CDC42EP3: variants seen among roughly 807,000 people sequenced by gnomAD.
CDC42EP3 encodes the protein CDC42 effector protein (Rho GTPase binding) 3.
In CDC42EP3, 4 loss-of-function variants were observed where a neutral mutation model predicts 15.5. The observed-to-expected ratio is 0.26, with a 90% CI of 0.13 to 0.59. CDC42EP3 has a LOEUF of 0.59. CDC42EP3 is among the 20% of genes least tolerant of loss of function. The pLI is 0.89. For synonymous variants in CDC42EP3, 145 were observed against 130.3 expected, an observed-to-expected ratio of 1.11 and a Z score of -0.77; for missense variants, 309 against 311.2, an observed-to-expected ratio of 0.99 and a Z score of 0.05.
intron 1 of CDC42EP3, among the ~76,000 whole-genome samples, chr2:37,661,647 A>G (rs1037363131): frequency 2.0e-5 from 3 of 152,172 alleles, no homozygotes; most frequent in African/African-American, 7.2e-5. Context: ...GGCGTTATAA[A>G]CTGGACGGCA....
intron 1 of CDC42EP3, among the ~76,000 whole-genome samples, chr2:37,655,919 CT>C (rs1405561097): frequency 1.3e-5 from 2 of 152,218 alleles, no homozygotes; most frequent in Non-Finnish European, 2.9e-5. Context: ...TACTCCAGTT[CT>C]GGTAATGGTA....
At chr2:37,663,251 T>G (rs1253489458) in intron 1 of CDC42EP3, among the ~76,000 whole-genome samples, 1 of 152,244 alleles carries the variant, frequency 6.6e-6, no homozygotes, top group African/African-American at 2.4e-5. Context: ...GTCCCTCATG[T>G]GTTCAACAAC....
At chr2:37,669,343 A>C (rs1666337244) in intron 1 of CDC42EP3, among the ~76,000 whole-genome samples, 1 of 152,102 alleles carries the variant, frequency 6.6e-6, no homozygotes, top group Non-Finnish European at 1.5e-5. Context: ...AGCTTTTGTG[A>C]GCATGTTGGA....
At chr2:37,657,370 A>T (rs1665901407) in intron 1 of CDC42EP3, among the ~76,000 whole-genome samples, 1 of 152,076 alleles carries the variant, frequency 6.6e-6, no homozygotes, top group South Asian at 2.1e-4. Context: ...GAGGGCTTGT[A>T]TTATGTGATT....
intron 1 of CDC42EP3, among the ~76,000 whole-genome samples, chr2:37,654,785 A>C (rs1441021277): frequency 1.3e-5 from 2 of 152,200 alleles, no homozygotes; most frequent in Non-Finnish European, 2.9e-5. Flanking sequence ...TCTTCTTACT[A>C]ATATAGAAAT....
intron 1 of CDC42EP3, among the ~76,000 whole-genome samples, chr2:37,662,919 C>A (rs1238828656): frequency 1.3e-5 from 2 of 152,208 alleles, no homozygotes; most frequent in Non-Finnish European, 2.9e-5. Flanking sequence ...GATCCCAGCA[C>A]TTTGGGAGGC....
At chr2:37,652,174 CAAAAA>C (rs61407687) in intron 1 of CDC42EP3, among the ~76,000 whole-genome samples, 2 of 39,126 alleles carry the variant, frequency 5.1e-5, no homozygotes, top group African/African-American at 1.2e-4. Context: ...GACTCCCTCT[CAAAAA>C]AAAAAAAAAA....
At chr2:37,654,409 A>C (rs1017317059) in intron 1 of CDC42EP3, among the ~76,000 whole-genome samples, 1 of 152,180 alleles carries the variant, frequency 6.6e-6, no homozygotes, top group African/African-American at 2.4e-5. Context: ...GATCTGAAGG[A>C]TTCATTTAAT....
At chr2:37,658,025 T>G (rs1254002089) in intron 1 of CDC42EP3, among the ~76,000 whole-genome samples, 1 of 152,210 alleles carries the variant, frequency 6.6e-6, no homozygotes, top group Non-Finnish European at 1.5e-5. Flanking sequence ...AAGTATTAAC[T>G]GAGCCCTTAC....
rs1471228147 is a variant in CDC42EP3, at chr2:37,668,114, T to A, written c.-236+3312A>T. ...TAAGAGATTAACAATAGAATAATTA[T>A]AACAATGTAATAAAAATTACATGAA... On this transcript the variant is annotated intron_variant, in intron 1 of 1. Coordinates refer to ENST00000295324, the MANE Select transcript of CDC42EP3 (RefSeq NM_006449.5). Among the ~76,000 whole-genome samples the A allele has an allele frequency of 2.0e-5, 3 of 152,230 alleles. No individual in the cohort carries two copies. The East Asian group carries it at 5.8e-4, about 29-fold the overall frequency.
At chr2:37,659,067 T>G (rs1409839065) in intron 1 of CDC42EP3, among the ~76,000 whole-genome samples, 3 of 152,198 alleles carry the variant, frequency 2.0e-5, no homozygotes, top group African/African-American at 7.2e-5. Context: ...TCCCATAGCG[T>G]CCTGTGTACA....
chr2:37,667,295 ACAT>A (rs1265589094), intron 1 of CDC42EP3, among the ~76,000 whole-genome samples: 1 of 152,200 alleles, frequency 6.6e-6, no homozygotes, highest in Non-Finnish European at 1.5e-5. Flanking sequence ...TCTTGCAGCA[ACAT>A]CATCAACAAA....
At chr2:37,656,595 A>T (rs956175067) in intron 1 of CDC42EP3, among the ~76,000 whole-genome samples, 1 of 152,242 alleles carries the variant, frequency 6.6e-6, no homozygotes, top group Non-Finnish European at 1.5e-5. Context: ...TGCTCAGAGC[A>T]TACCTCTTAG....
intron 1 of CDC42EP3, among the ~76,000 whole-genome samples, chr2:37,658,133 C>T (rs1665940089): frequency 6.6e-6 from 1 of 152,188 alleles, no homozygotes; most frequent in Admixed American, 6.5e-5. Context: ...CCGGCAATCA[C>T]ATACCACCTC....
In CDC42EP3 at chr2:37,643,973, A is replaced by ATTTTTTTTTTTTTTTTTTTTTTTTAATT. The variant is rs10573780; in HGVS notation, c.*1849_*1850insAATTAAAAAAAAAAAAAAAAAAAAAAAA. 1 of 121,716 alleles carries ATTTTTTTTTTTTTTTTTTTTTTTTAATT rather than the reference A, an allele frequency of 8.2e-6. No homozygotes were observed. The highest frequency in any genetic ancestry group is 2.8e-5 in the African/African-American group (1 of 35,182). 7.5% of individuals were successfully genotyped at this position (121,716 alleles called of 1,614,324 possible). A position where few individuals can be genotyped will look rare whatever the true frequency, so the allele number is the denominator to read the frequency against. ...TTAAACTTTCTTAAAACAGTCTGAG[A>ATTTTTTTTTTTTTTTTTTTTTTTTAATT]TTTTTTTTTTTTTTTTTTTTTGCAA... On this transcript the variant is annotated 3_prime_UTR_variant, in exon 2 of 2. Transcript: ENST00000295324.
intron 1 of CDC42EP3, among the ~76,000 whole-genome samples, chr2:37,654,030 C>T (rs1159531588): frequency 2.6e-5 from 4 of 152,194 alleles, no homozygotes; most frequent in African/African-American, 9.7e-5. Context: ...GGCACCACTG[C>T]ACTACTGCAC....
chr2:37,646,726 A>G lies in CDC42EP3; in HGVS notation c.-139T>C, dbSNP rs974327038. 9 of 825,750 alleles carry G rather than the reference A, an allele frequency of 1.1e-5. No homozygotes were observed. The highest frequency in any genetic ancestry group is 1.7e-5 in the Non-Finnish European group (9 of 519,032). The allele number at this position is 825,750 out of a possible 1,614,324, so 51.2% of individuals were successfully genotyped here. ...TGGCTTCAGAAGTGGCTTCGAAATG[A>G]GATGGGGTCAAAGAGAACCTTCCTG... On this transcript the variant is annotated 5_prime_UTR_variant, in exon 2 of 2. Coordinates refer to ENST00000295324, the MANE Select transcript of CDC42EP3 (RefSeq NM_006449.5).
At chr2:37,651,445 A>G (rs1006441060) in intron 1 of CDC42EP3, among the ~76,000 whole-genome samples, 2 of 152,232 alleles carry the variant, frequency 1.3e-5, no homozygotes, top group African/African-American at 2.4e-5. Context: ...GTTACTGATC[A>G]TAACACAAAC....
intron 1 of CDC42EP3, among the ~76,000 whole-genome samples, chr2:37,669,067 C>T (rs994488539): frequency 6.6e-6 from 1 of 151,846 alleles, no homozygotes; most frequent in African/African-American, 2.4e-5. Flanking sequence ...GAGACTGGGC[C>T]TAGATAAAAT....
Sources: gnomAD v4.1 joint callset for allele counts (sites outside exome capture counted in the v4.1 genomes callset) on GRCh38, gnomAD v4.1.1 for gene constraint, MANE v1.5 for transcripts, NCBI Gene and HGNC (gene_info 2026-07-23, HGNC 2026-07-21) for gene names.